Variants in ANKRD55 observed in about 807,000 individuals in gnomAD.
ANKRD55 encodes the protein ankyrin repeat domain-containing protein 55.
A neutral mutation model predicts 60.6 loss-of-function variants in ANKRD55; 41 were observed. That is an observed-to-expected ratio of 0.68 (90% CI 0.53 to 0.88). The LOEUF is 0.88. Among genes scored for constraint, ANKRD55 ranks in the 40% least tolerant of loss-of-function variants. The pLI is 0.00. For missense variants in ANKRD55, 732 were observed against 767.6 expected (o/e 0.95, Z 0.55); for synonymous variants, 264 against 290.3 (o/e 0.91, Z 0.92).
intron 5 of ANKRD55, chr5:56,161,853 A>T (rs1758339590): frequency 4.7e-6 from 2 of 428,428 alleles, no homozygotes; most frequent in Non-Finnish European, 6.2e-6. Context: ...TGAATTCTAG[A>T]TGTAGCCTTT....
rs964857583 is a variant in ANKRD55 at position 56,159,989 on chromosome 5, T to C, written c.423-96A>G. 5.9e-6 allele frequency: 6 copies of C among 1,016,024 alleles called. No individual in the cohort carries two copies. The Admixed American group carries it at 9.9e-5, about 17-fold the overall frequency. The allele number at this position is 1,016,024 out of a possible 1,614,324, so 62.9% of individuals were successfully genotyped here. A position where few individuals can be genotyped will look rare whatever the true frequency, so the allele number is the denominator to read the frequency against. ...AACATGACCTTAGAAAAACCGTCAG[T>C]TGAAAGACTCCAAATGAAGATGAGG... On this transcript the variant is annotated intron_variant, in intron 5 of 11. Transcript: ENST00000341048.
intron 7 of ANKRD55, chr5:56,136,862 AG>A: frequency 2.7e-6 from 1 of 365,168 alleles, no homozygotes; most frequent in East Asian, 6.9e-5. Flanking sequence ...TCCAGGCTGC[AG>A]TGAGCCATGA....
chr5:56,186,486 T>C (rs7732186), intron 2 of ANKRD55, among the ~76,000 whole-genome samples: 13,562 of 152,194 alleles, frequency 0.089, 1,000 homozygotes, highest in African/African-American at 0.2. Flanking sequence ...AAGGTAATAA[T>C]GATGATAATT....
At chr5:56,207,152 A>G (rs184756364) in intron 2 of ANKRD55, among the ~76,000 whole-genome samples, 15 of 152,272 alleles carry the variant, frequency 9.9e-5, no homozygotes, top group African/African-American at 3.6e-4. Context: ...GACTGGGTCA[A>G]GGATGATATT....
At chr5:56,191,069 A>G (rs160286) in intron 2 of ANKRD55, among the ~76,000 whole-genome samples, 26,694 of 152,138 alleles carry the variant, frequency 0.18, 2,799 homozygotes, top group East Asian at 0.38. Context: ...ACTGATCTAT[A>G]TGTCTGTCTG....
Position 56,143,987 on chromosome 5 carries a change from G to A in ANKRD55, c.484-58C>T, listed in dbSNP as rs1757836807. 5 of 1,608,120 alleles carry A rather than the reference G, an allele frequency of 3.1e-6. No homozygotes were observed. In the East Asian group the frequency reaches 8.9e-5, roughly 29 times the overall value. On this transcript the variant is annotated intron_variant, in intron 6 of 11. Transcript: ENST00000341048. The stretch of plus-strand genomic sequence containing the variant: ...AGCACAGGCTCCCAGGAAGAAAACT[G>A]GAGCTCACACTTTCTCCTCAGGCCT...
At chr5:56,130,919 T>C (rs1199324679) in intron 7 of ANKRD55, among the ~76,000 whole-genome samples, 1 of 151,844 alleles carries the variant, frequency 6.6e-6, no homozygotes, top group Admixed American at 6.6e-5. Context: ...GATCTCAATG[T>C]AAACCTCCAA....
chr5:56,140,929 G>T (rs1213173824), intron 7 of ANKRD55, among the ~76,000 whole-genome samples: 1 of 152,024 alleles, frequency 6.6e-6, no homozygotes, highest in Admixed American at 6.6e-5. Flanking sequence ...CAGTCGTGGT[G>T]GTGTGTGCCT....
At chr5:56,118,928 C>G (rs903197178) in intron 8 of ANKRD55, among the ~76,000 whole-genome samples, 4 of 152,086 alleles carry the variant, frequency 2.6e-5, no homozygotes, top group African/African-American at 9.7e-5. Flanking sequence ...ATACCAGGTG[C>G]TGGTGAAGAT....
chr5:56,136,889 C>G, intron 7 of ANKRD55: 4 of 382,416 alleles, frequency 1.0e-5, no homozygotes, highest in South Asian at 8.5e-5. Flanking sequence ...TCACTGCACT[C>G]CAGCCTGGAT....
At chr5:56,221,805 T>G (rs1258812514) in intron 2 of ANKRD55, among the ~76,000 whole-genome samples, 1 of 152,184 alleles carries the variant, frequency 6.6e-6, no homozygotes, top group South Asian at 2.1e-4. Context: ...GGGAAGGGCA[T>G]GTGCCATTGC....
intron 2 of ANKRD55, among the ~76,000 whole-genome samples, chr5:56,197,429 C>G (rs1285402655): frequency 6.6e-6 from 1 of 152,126 alleles, no homozygotes; most frequent in Admixed American, 6.6e-5. Flanking sequence ...GTAGTAAATG[C>G]TATTTTATAA....
chr5:56,173,541 C>CCTCTCTCT (rs71578616), intron 4 of ANKRD55, among the ~76,000 whole-genome samples: 13 of 61,536 alleles, frequency 2.1e-4, no homozygotes, highest in African/African-American at 2.4e-4. Context: ...TAGAGATTCG[C>CCTCTCTCT]CTCTCTCTCT....
intron 2 of ANKRD55, among the ~76,000 whole-genome samples, chr5:56,189,641 G>T (rs1249451565): frequency 6.6e-6 from 1 of 152,182 alleles, no homozygotes; most frequent in East Asian, 1.9e-4. Context: ...CCATGTTGTA[G>T]AATGTGTCAG....
intron 5 of ANKRD55, 130 bp from the exon 6 acceptor site, chr5:56,160,023 C>G: frequency 1.4e-6 from 1 of 693,632 alleles, no homozygotes; most frequent in Non-Finnish European, 2.5e-6. Flanking sequence ...GGGCCCTTTC[C>G]GTTTCTCTGG....
chr5:56,115,834 A>T (rs1300890860), intron 9 of ANKRD55, among the ~76,000 whole-genome samples: 2 of 152,134 alleles, frequency 1.3e-5, no homozygotes, highest in African/African-American at 2.4e-5. Flanking sequence ...ATATTTTATT[A>T]AAAATTTCTC....
At chr5:56,156,116 C>T (rs1580987931) in intron 6 of ANKRD55, among the ~76,000 whole-genome samples, 1 of 152,040 alleles carries the variant, frequency 6.6e-6, no homozygotes, top group Admixed American at 6.6e-5. Context: ...GCCGGAGTGG[C>T]GGAGTCCATG....
At chr5:56,102,224 T>TA (rs1302546203) in intron 11 of ANKRD55, among the ~76,000 whole-genome samples, 2 of 151,156 alleles carry the variant, frequency 1.3e-5, no homozygotes, top group Non-Finnish European at 3.0e-5. Flanking sequence ...CCATCTCTAC[T>TA]AAAAAAAATA....
At chr5:56,192,341 G>A (rs1759115897) in intron 2 of ANKRD55, among the ~76,000 whole-genome samples, 1 of 152,242 alleles carries the variant, frequency 6.6e-6, no homozygotes, top group Non-Finnish European at 1.5e-5. Context: ...AGCATGTGAA[G>A]ACACGCAGAT....
Sources: gnomAD v4.1 joint callset for allele counts (sites outside exome capture counted in the v4.1 genomes callset) on GRCh38, gnomAD v4.1.1 for gene constraint, MANE v1.5 for transcripts, NCBI Gene and HGNC (gene_info 2026-07-23, HGNC 2026-07-21) for gene names.